The following SPOCK3 variants were observed in gnomAD, a reference collection of about 807,000 sequenced individuals.
SPOCK3 encodes SPARC (osteonectin), cwcv and kazal like domains proteoglycan 3, also known as testican-3.
SPOCK3 carries 30 observed loss-of-function variants against 56.6 expected under a neutral mutation model. The ratio of observed to expected loss-of-function variants is 0.53; its 90% confidence interval spans 0.40 to 0.72. The LOEUF (loss-of-function observed/expected upper bound fraction) is 0.72, where lower values mean the gene tolerates loss of function less well. Among genes scored for constraint, SPOCK3 ranks in the 30% least tolerant of loss-of-function variants. The probability of loss-of-function intolerance (pLI) is 0.00; values close to 1 mark genes in which losing one functional copy is unlikely to be tolerated. For synonymous variants in SPOCK3, 196 were observed against 183.3 expected (o/e 1.07, Z -0.56); for missense variants, 527 against 530.0 (o/e 0.99, Z 0.06).
chr4:166,971,948 T>C (rs1745433306), intron 4 of SPOCK3, among the ~76,000 whole-genome samples: 1 of 152,154 alleles, frequency 6.6e-6, no homozygotes, highest in Non-Finnish European at 1.5e-5. Flanking sequence ...ACTTTTGCTT[T>C]GCAAAAACAC....
intron 3 of SPOCK3, among the ~76,000 whole-genome samples, chr4:167,037,714 T>C (rs924081301): frequency 2.6e-5 from 4 of 152,180 alleles, no homozygotes; most frequent in African/African-American, 9.7e-5. Flanking sequence ...TCACTATAGA[T>C]GAATGTGTCA....
intron 2 of SPOCK3, among the ~76,000 whole-genome samples, chr4:167,168,597 T>C (rs1460732241): frequency 2.6e-5 from 4 of 152,064 alleles, no homozygotes; most frequent in African/African-American, 9.7e-5. Context: ...AGAGATGATC[T>C]GAAATTGGAA....
At chr4:166,774,093 C>A (rs551680014) in intron 7 of SPOCK3, among the ~76,000 whole-genome samples, 14 of 152,264 alleles carry the variant, frequency 9.2e-5, no homozygotes, top group African/African-American at 3.1e-4. Flanking sequence ...ATAATAATCA[C>A]AATTCCAAAT....
At chr4:167,022,786 T>A (rs1226764733) in intron 3 of SPOCK3, among the ~76,000 whole-genome samples, 1 of 151,672 alleles carries the variant, frequency 6.6e-6, no homozygotes, top group Non-Finnish European at 1.5e-5. Context: ...ATGGCCAGGG[T>A]TGATATGCTG....
chr4:167,048,669 T>G (rs11132853), intron 3 of SPOCK3, among the ~76,000 whole-genome samples: 152,207 of 152,312 alleles, frequency 1, 76,051 homozygotes, highest in Non-Finnish European at 1. Flanking sequence ...AATTTTATGG[T>G]TTTCTAAATC....
chr4:166,883,428 A>C (rs145784875), intron 6 of SPOCK3, among the ~76,000 whole-genome samples: 63 of 152,340 alleles, frequency 4.1e-4, no homozygotes, highest in African/African-American at 1.4e-3. Flanking sequence ...TCCATTTACA[A>C]ATAATACAAT....
At chr4:166,791,848 C>T (rs1741397402) in intron 7 of SPOCK3, among the ~76,000 whole-genome samples, 1 of 152,070 alleles carries the variant, frequency 6.6e-6, no homozygotes, top group Admixed American at 6.6e-5. Flanking sequence ...CTAAGTACTC[C>T]AATTTTTTAC....
At chr4:166,961,250 T>TA (rs33983685) in intron 4 of SPOCK3, among the ~76,000 whole-genome samples, 17,900 of 145,726 alleles carry the variant, frequency 0.12, 1,266 homozygotes, top group African/African-American at 0.2. Context: ...CCCACGAAAT[T>TA]AAAAAAAAAA....
Position 167,113,029 on chromosome 4 carries a change from T to A in SPOCK3, c.190-50492A>T, listed in dbSNP as rs1761033819. On this transcript the variant is annotated intron_variant, in intron 2 of 10. Coordinates refer to ENST00000357545, the MANE Select transcript of SPOCK3 (RefSeq NM_001040159.2). ...TGATTTGCCTGCTTGATCATATTGA[T>A]TTTGTATCTTAGCAGCAGGTAGAAA... 2.6e-5 allele frequency among the ~76,000 whole-genome samples: 4 copies of A among 152,202 alleles called. No individual in the cohort carries two copies. In the South Asian group the frequency reaches 6.2e-4, roughly 24 times the overall value.
At chr4:166,765,410 G>T (rs940304166) in intron 7 of SPOCK3, among the ~76,000 whole-genome samples, 12 of 152,278 alleles carry the variant, frequency 7.9e-5, no homozygotes, top group African/African-American at 2.9e-4. Context: ...CATATGGCTA[G>T]CCAGTTTTCC....
intron 2 of SPOCK3, among the ~76,000 whole-genome samples, chr4:167,232,573 A>C (rs528794422): frequency 6.6e-6 from 1 of 152,210 alleles, no homozygotes; most frequent in African/African-American, 2.4e-5. Flanking sequence ...TGATAAACAA[A>C]TTTTCTTTAG....
intron 2 of SPOCK3, among the ~76,000 whole-genome samples, chr4:167,066,910 T>A (rs955909099): frequency 6.6e-6 from 1 of 151,802 alleles, no homozygotes; most frequent in African/African-American, 2.4e-5. Flanking sequence ...ACAGGTGAGG[T>A]GGGTCGGAAG....
chr4:166,978,808 T>C (rs573985771), intron 4 of SPOCK3, among the ~76,000 whole-genome samples: 3 of 151,972 alleles, frequency 2.0e-5, no homozygotes, highest in African/African-American at 7.2e-5. Context: ...TGATAGAAAA[T>C]TAAGGGAAAA....
intron 2 of SPOCK3, among the ~76,000 whole-genome samples, chr4:167,116,913 G>GTATATATATA (rs70957813): frequency 1.2e-4 from 14 of 121,548 alleles, no homozygotes; most frequent in African/African-American, 3.0e-4. Context: ...GTGTGTGTGT[G>GTATATATATA]TATATATATA....
intron 3 of SPOCK3, among the ~76,000 whole-genome samples, chr4:167,033,034 G>A (rs914702563): frequency 1.3e-5 from 2 of 151,944 alleles, no homozygotes; most frequent in Non-Finnish European, 2.9e-5. Context: ...TACTCAGCAG[G>A]ATTGCCCATT....
At chr4:167,234,344 G>T in intron 1 of SPOCK3, 106 bp downstream of exon 1, 6 of 653,122 alleles carry the variant, frequency 9.2e-6, no homozygotes, top group Non-Finnish European at 1.6e-5. Context: ...CCCAAAAGCC[G>T]GGCACTCACA....
intron 8 of SPOCK3, 139 bp from the exon 9 acceptor site, chr4:166,742,198 A>T (rs928897470): frequency 1.7e-6 from 1 of 604,534 alleles, no homozygotes; most frequent in Non-Finnish European, 3.0e-6. Context: ...ACTTATAAAG[A>T]TACATTCATA....
intron 3 of SPOCK3, among the ~76,000 whole-genome samples, chr4:167,052,422 G>T (rs1754323651): frequency 1.3e-5 from 2 of 152,274 alleles, no homozygotes; most frequent in South Asian, 4.1e-4. Context: ...TATATACATT[G>T]ATAAGATTAT....
At chr4:167,177,143 G>T (rs143285291) in intron 2 of SPOCK3, among the ~76,000 whole-genome samples, 1 of 152,056 alleles carries the variant, frequency 6.6e-6, no homozygotes, top group Non-Finnish European at 1.5e-5. Context: ...GGCTCTTCCT[G>T]ACATGAGCAG....
Sources: gnomAD v4.1 joint callset for allele counts (sites outside exome capture counted in the v4.1 genomes callset) on GRCh38, gnomAD v4.1.1 for gene constraint, MANE v1.5 for transcripts, NCBI Gene and HGNC (gene_info 2026-07-23, HGNC 2026-07-21) for gene names.